PIAS2: variants seen among roughly 807,000 people sequenced by gnomAD.
The protein encoded by PIAS2 is E3 SUMO-protein ligase PIAS2.
In PIAS2, 19 loss-of-function variants were observed where a neutral mutation model predicts 69.7. The ratio of observed to expected loss-of-function variants is 0.27; its 90% CI spans 0.19 to 0.40. The LOEUF (loss-of-function observed/expected upper bound fraction) is 0.40, where lower values mean the gene tolerates loss of function less well. PIAS2 is among the 10% of genes least tolerant of loss of function. The pLI is 1.00. For synonymous variants in PIAS2, 261 were observed against 263.2 expected (o/e 0.99, Z 0.08); for missense variants, 624 against 757.0 (o/e 0.82, Z 2.06).
chr18:46,899,772 C>T (rs1031460851), intron 1 of PIAS2, among the ~76,000 whole-genome samples: 1 of 152,266 alleles, frequency 6.6e-6, no homozygotes, highest in Non-Finnish European at 1.5e-5. Context: ...GTATTAAAAT[C>T]ACAGAATGAT....
chr18:46,895,204 C>T (rs931647863), intron 1 of PIAS2, among the ~76,000 whole-genome samples: 23 of 152,054 alleles, frequency 1.5e-4, no homozygotes, highest in East Asian at 7.7e-4. Context: ...GCAATAACGG[C>T]CTAGAATTTG....
chr18:46,867,319 C>G (rs2145650872), intron 2 of PIAS2, among the ~76,000 whole-genome samples: 1 of 152,138 alleles, frequency 6.6e-6, no homozygotes, highest in Admixed American at 6.5e-5. Context: ...CTTACAGCAA[C>G]AAAAAATTGT....
intron 1 of PIAS2, among the ~76,000 whole-genome samples, chr18:46,897,733 C>G (rs892239151): frequency 6.6e-6 from 1 of 152,150 alleles, no homozygotes; most frequent in African/African-American, 2.4e-5. Flanking sequence ...AACATGATAA[C>G]TGGTATCTGT....
chr18:46,894,250 C>T (rs1233793204), intron 1 of PIAS2, among the ~76,000 whole-genome samples: 1 of 152,182 alleles, frequency 6.6e-6, no homozygotes, highest in East Asian at 1.9e-4. Context: ...ATCCCACTTC[C>T]TCTAGGAGTA....
At chr18:46,825,034 A>T (rs114819161) in intron 11 of PIAS2, among the ~76,000 whole-genome samples, 38 of 152,026 alleles carry the variant, frequency 2.5e-4, no homozygotes, top group African/African-American at 8.0e-4. Flanking sequence ...AGTTGCTCAC[A>T]TAATTTCGGG....
intron 11 of PIAS2, chr18:46,826,801 A>G (rs573430660): frequency 6.6e-6 from 1 of 152,334 alleles, no homozygotes; most frequent in East Asian, 1.9e-4. Context: ...TGTGTAAATT[A>G]TATTTGGAAA....
At chr18:46,882,425 A>G (rs749542876) in intron 2 of PIAS2, among the ~76,000 whole-genome samples, 2 of 152,160 alleles carry the variant, frequency 1.3e-5, no homozygotes, top group Non-Finnish European at 2.9e-5. Flanking sequence ...ATGGACTACA[A>G]ATTGGTGCAA....
At position 46,803,727 on chromosome 18, in the gene PIAS2, T is replaced by C. The variant is rs1465960142; in HGVS notation, c.*8706A>G. 1 of 152,224 alleles carries C rather than the reference T, an allele frequency of 6.6e-6. No individual in the cohort carries two copies. 9.4% of individuals were successfully genotyped at this position (152,224 alleles called of 1,614,324 possible). On this transcript the variant is annotated 3_prime_UTR_variant, in exon 14 of 14. Coordinates refer to ENST00000585916, the MANE Select transcript of PIAS2 (RefSeq NM_004671.5). ...TTATATTGTAGCACTCTGTGTAGTG[T>C]ACCTGACCCAGATAAGGTGGTCCTC...
intron 5 of PIAS2, among the ~76,000 whole-genome samples, chr18:46,851,716 A>G (rs1357443417): frequency 2.0e-5 from 3 of 152,216 alleles, no homozygotes. Flanking sequence ...TTGCATCACT[A>G]TTTGATCCTT....
rs181898712 is a variant in PIAS2 at position 46,872,199 on chromosome 18, T to C, written c.500-7951A>G. On this transcript the variant is annotated intron_variant, in intron 2 of 13. Coordinates refer to ENST00000585916, the MANE Select transcript of PIAS2 (RefSeq NM_004671.5). ...GCTGACTAGTGCAAGGCCCCAGAGC[T>C]ATTAACTAAACAGTCCAGACTACCC... Among the ~76,000 whole-genome samples the C allele has an allele frequency of 8.5e-5, 13 of 152,302 alleles. No individual in the cohort carries two copies. In the East Asian group the frequency reaches 2.3e-3, roughly 27 times the overall value.
intron 2 of PIAS2, among the ~76,000 whole-genome samples, chr18:46,877,496 C>G (rs1041879479): frequency 6.6e-6 from 1 of 152,190 alleles, no homozygotes; most frequent in Non-Finnish European, 1.5e-5. Flanking sequence ...ATTCTGTAAA[C>G]TGCCCCTCCC....
At chr18:46,882,365 A>G (rs1403065691) in intron 2 of PIAS2, among the ~76,000 whole-genome samples, 1 of 152,184 alleles carries the variant, frequency 6.6e-6, no homozygotes, top group Non-Finnish European at 1.5e-5. Context: ...AAAGACCAAC[A>G]ATACAATGCT....
Position 46,805,261 on chromosome 18 carries a change from T to C in PIAS2, c.*7172A>G, listed in dbSNP as rs901069216. Reference sequence around the variant, plus strand: ...ATAATGAAAGAACAGTCTGGACAAGTAGCAAAGAGGAAAACAGAAAGCGTG... The same window carrying C: ...ATAATGAAAGAACAGTCTGGACAAGCAGCAAAGAGGAAAACAGAAAGCGTG... On this transcript the variant is annotated 3_prime_UTR_variant, in exon 14 of 14. Coordinates refer to ENST00000585916, the MANE Select transcript of PIAS2 (RefSeq NM_004671.5). 40 of 152,180 alleles carry C rather than the reference T, an allele frequency of 2.6e-4. No homozygotes were observed. The highest frequency in any genetic ancestry group is 8.9e-4 in the African/African-American group (37 of 41,434). The allele number at this position is 152,180 out of a possible 1,614,324, so 9.4% of individuals were successfully genotyped here.
At chr18:46,876,589 C>T (rs1322291039) in intron 2 of PIAS2, among the ~76,000 whole-genome samples, 1 of 152,118 alleles carries the variant, frequency 6.6e-6, no homozygotes, top group African/African-American at 2.4e-5. Context: ...ACTTTTATAC[C>T]TAATAATACT....
chr18:46,871,598 A>G (rs1178613629), intron 2 of PIAS2, among the ~76,000 whole-genome samples: 1 of 152,214 alleles, frequency 6.6e-6, no homozygotes, highest in Non-Finnish European at 1.5e-5. Flanking sequence ...AGCCCTTGAT[A>G]AACTTAGAGG....
Position 46,804,841 on chromosome 18 carries a change from C to T in PIAS2, c.*7592G>A, listed in dbSNP as rs1230267477. On this transcript the variant is annotated 3_prime_UTR_variant, in exon 14 of 14. Transcript: ENST00000585916. Reference sequence around the variant, plus strand: ...AAGTGCCTGATACAATGCCTGGCACCTAATATAATCTCAAATACTGGATGA... The same window carrying T: ...AAGTGCCTGATACAATGCCTGGCACTTAATATAATCTCAAATACTGGATGA... 6.6e-6 allele frequency: 1 copy of T among 152,146 alleles called. No individual in the cohort carries two copies. Among genetic ancestry groups the T allele is most frequent in the East Asian group, 1.9e-4 (1 of 5,188 alleles). 9.4% of individuals were successfully genotyped at this position (152,146 alleles called of 1,614,324 possible). A position where few individuals can be genotyped will look rare whatever the true frequency, so the allele number is the denominator to read the frequency against.
At chr18:46,857,051 T>G (rs1042486265) in intron 3 of PIAS2, among the ~76,000 whole-genome samples, 1 of 152,236 alleles carries the variant, frequency 6.6e-6, no homozygotes, top group Non-Finnish European at 1.5e-5. Flanking sequence ...TAACAACACA[T>G]GTCAAGTGCC....
At chr18:46,902,285 G>A (rs939359785) in intron 1 of PIAS2, among the ~76,000 whole-genome samples, 2 of 150,932 alleles carry the variant, frequency 1.3e-5, no homozygotes, top group Admixed American at 6.6e-5. Flanking sequence ...GGCCGGGCAC[G>A]ATGGCTCACG....
At chr18:46,879,470 T>C (rs1259988448) in intron 2 of PIAS2, among the ~76,000 whole-genome samples, 1 of 152,088 alleles carries the variant, frequency 6.6e-6, no homozygotes, top group Non-Finnish European at 1.5e-5. Flanking sequence ...GAATGTAAAA[T>C]GGTGCAGCTG....
Sources: allele counts gnomAD v4.1 joint callset (sites outside exome capture counted in the v4.1 genomes callset), GRCh38; gene constraint gnomAD v4.1.1; transcripts MANE v1.5; gene names NCBI Gene and HGNC (gene_info 2026-07-23, HGNC 2026-07-21).